The following ATP8A2 variants were observed in gnomAD, a reference collection of about 807,000 sequenced individuals.
ATP8A2 encodes the protein ATPase phospholipid transporting 8A2.
ATP8A2 carries 100 observed loss-of-function variants against 165.6 expected under a neutral mutation model. That is an observed-to-expected ratio of 0.60 (90% confidence interval 0.51 to 0.71). ATP8A2 has a LOEUF of 0.71. ATP8A2 is among the 30% of genes least tolerant of loss of function. ATP8A2 has a pLI of 0.00. For missense variants in ATP8A2, 1,227 were observed against 1,479.5 expected, an observed-to-expected ratio of 0.83 and a Z score of 2.80; for synonymous variants, 543 against 548.8, an observed-to-expected ratio of 0.99 and a Z score of 0.15.
chr13:25,825,842 A>G (rs557202417), intron 27 of ATP8A2, among the ~76,000 whole-genome samples: 13 of 152,084 alleles, frequency 8.5e-5, no homozygotes, highest in South Asian at 2.1e-4. Flanking sequence ...TTCTTCACCA[A>G]TATTTCTTCA....
chr13:25,558,944 A>T, intron 13 of ATP8A2, 29 bp from the exon 14 acceptor site: 1 of 1,435,520 alleles, frequency 7.0e-7, no homozygotes, highest in Admixed American at 1.8e-5. Flanking sequence ...ATACTTCCTG[A>T]TGTATATTTC....
At chr13:25,934,835 A>AT (rs1160672647) in intron 33 of ATP8A2, among the ~76,000 whole-genome samples, 1 of 152,166 alleles carries the variant, frequency 6.6e-6, no homozygotes, top group Non-Finnish European at 1.5e-5. Flanking sequence ...AAGAAAAAAA[A>AT]CAACGTTGAG....
intron 33 of ATP8A2, among the ~76,000 whole-genome samples, chr13:25,923,552 A>G (rs905127063): frequency 6.6e-6 from 1 of 152,176 alleles, no homozygotes; most frequent in Non-Finnish European, 1.5e-5. Context: ...ACTGAAGTTA[A>G]CAGTGAACAA....
rs577817952 is a variant in ATP8A2 at position 25,504,421 on chromosome 13, CTTTTTTT to C, written c.222-25563_222-25557del. Among the ~76,000 whole-genome samples, 97 of 124,172 alleles carry C rather than the reference CTTTTTTT, an allele frequency of 7.8e-4. 2 individuals carry two copies. Among genetic ancestry groups the C allele is most frequent in the Admixed American group, 2.2e-3 (27 of 12,004 alleles). The allele number at this position is 124,172 out of a possible 152,430, so 81.5% of individuals were successfully genotyped here. A position where few individuals can be genotyped will look rare whatever the true frequency, so the allele number is the denominator to read the frequency against. On this transcript the variant is annotated intron_variant, in intron 2 of 36. Coordinates refer to ENST00000381655, the MANE Select transcript of ATP8A2 (RefSeq NM_016529.6). ...ATAATTTTTAAAAATCTTTCCTTTCCTTTTTTTTTTTTTTTTTTTTTAAAAAGTATAC... is the reference window on the plus strand; with the variant it reads ...ATAATTTTTAAAAATCTTTCCTTTCCTTTTTTTTTTTTTTAAAAAGTATAC...
At chr13:25,559,264 G>C (rs1357551822) in intron 14 of ATP8A2, among the ~76,000 whole-genome samples, 2 of 152,186 alleles carry the variant, frequency 1.3e-5, no homozygotes, top group African/African-American at 2.4e-5. Flanking sequence ...TGGGTGCAGT[G>C]GCTCACACCT....
chr13:25,413,176 T>C (rs1448567255), intron 1 of ATP8A2, among the ~76,000 whole-genome samples: 1 of 152,110 alleles, frequency 6.6e-6, no homozygotes, highest in Non-Finnish European at 1.5e-5. Context: ...TTGTGCTTGA[T>C]TTTTTGGTGC....
At chr13:25,984,162 A>G (rs1273262394) in intron 35 of ATP8A2, among the ~76,000 whole-genome samples, 3 of 151,682 alleles carry the variant, frequency 2.0e-5, no homozygotes, top group Admixed American at 2.0e-4. Context: ...GTTTGAGCCC[A>G]GGAGTTCCAG....
intron 35 of ATP8A2, among the ~76,000 whole-genome samples, chr13:25,996,640 C>G (rs575773709): frequency 1.7e-3 from 256 of 152,236 alleles, no homozygotes; most frequent in African/African-American, 5.7e-3. Flanking sequence ...ATTCTCCTGC[C>G]TCAGCCTCCT....
At chr13:25,536,865 G>GC (rs2038302182) in intron 6 of ATP8A2, among the ~76,000 whole-genome samples, 1 of 152,164 alleles carries the variant, frequency 6.6e-6, no homozygotes, top group Non-Finnish European at 1.5e-5. Flanking sequence ...TATGCCAGGT[G>GC]CCGTGTATAC....
chr13:25,845,757 G>T (rs1951846387), intron 30 of ATP8A2, among the ~76,000 whole-genome samples: 1 of 152,202 alleles, frequency 6.6e-6, no homozygotes, highest in South Asian at 2.1e-4. Context: ...GAAAACTTGA[G>T]TGTTTCATAC....
intron 27 of ATP8A2, among the ~76,000 whole-genome samples, chr13:25,820,278 C>T (rs1185635262): frequency 6.6e-6 from 1 of 152,138 alleles, no homozygotes; most frequent in East Asian, 1.9e-4. Context: ...AAGTTTGGGT[C>T]AGTTTGCTCA....
chr13:25,755,076 T>C (rs2044232530), intron 25 of ATP8A2, among the ~76,000 whole-genome samples: 1 of 152,242 alleles, frequency 6.6e-6, no homozygotes, highest in African/African-American at 2.4e-5. Flanking sequence ...ATCACTTTGC[T>C]GTTTGACGTT....
intron 35 of ATP8A2, among the ~76,000 whole-genome samples, chr13:25,988,886 G>A (rs192489680): frequency 6.6e-6 from 1 of 152,352 alleles, no homozygotes; most frequent in East Asian, 1.9e-4. Context: ...TATGGAGGGA[G>A]TTATTATATT....
intron 33 of ATP8A2, among the ~76,000 whole-genome samples, chr13:25,879,725 A>G (rs1340774643): frequency 1.3e-5 from 2 of 152,206 alleles, no homozygotes; most frequent in Non-Finnish European, 2.9e-5. Flanking sequence ...GATTTATGCA[A>G]ACAGCCCCAA....
chr13:25,586,906 C>T (rs116536015), intron 23 of ATP8A2, among the ~76,000 whole-genome samples: 2,273 of 152,120 alleles, frequency 0.015, 58 homozygotes, highest in African/African-American at 0.051. Context: ...CAAGTCCTGC[C>T]GTAAGTACCA....
intron 1 of ATP8A2, among the ~76,000 whole-genome samples, chr13:25,400,209 GCCA>G (rs1233867067): frequency 6.6e-6 from 1 of 152,150 alleles, no homozygotes; most frequent in Non-Finnish European, 1.5e-5. Flanking sequence ...AGAGGTGTGA[GCCA>G]CCACACCTGG....
At chr13:25,395,486 A>C (rs1198310136) in intron 1 of ATP8A2, among the ~76,000 whole-genome samples, 1 of 152,190 alleles carries the variant, frequency 6.6e-6, no homozygotes, top group Non-Finnish European at 1.5e-5. Context: ...TAACGTATAC[A>C]TGGGAGCCTT....
chr13:25,839,426 C>G, intron 29 of ATP8A2, 120 bp from the exon 30 acceptor site: 1 of 637,888 alleles, frequency 1.6e-6, no homozygotes, highest in South Asian at 2.1e-5. Flanking sequence ...GAATAATATG[C>G]TACTCCTGGA....
At chr13:25,879,961 A>G in intron 33 of ATP8A2, among the ~76,000 whole-genome samples, 1 of 152,194 alleles carries the variant, frequency 6.6e-6, no homozygotes, top group East Asian at 1.9e-4. Context: ...CACACAGACA[A>G]AGCAAGAGTT....
Sources: allele counts gnomAD v4.1 joint callset (sites outside exome capture counted in the v4.1 genomes callset), GRCh38; gene constraint gnomAD v4.1.1; transcripts MANE v1.5; gene names NCBI Gene and HGNC (gene_info 2026-07-23, HGNC 2026-07-21).